Variants in SEMA3C observed in about 807,000 individuals in gnomAD.
SEMA3C encodes the protein semaphorin-3C.
SEMA3C carries 47 observed loss-of-function variants against 89.4 expected under a neutral mutation model. The ratio of observed to expected loss-of-function variants is 0.53; its 90% CI spans 0.42 to 0.67. The LOEUF is 0.67. Ranked by LOEUF, SEMA3C falls within the 30% of genes least tolerant of loss-of-function variation. SEMA3C has a pLI of 0.00. For missense variants in SEMA3C, 839 were observed against 929.1 expected (o/e 0.90, Z 1.26); for synonymous variants, 310 against 320.2 (o/e 0.97, Z 0.34).
intron 2 of SEMA3C, among the ~76,000 whole-genome samples, chr7:80,882,794 C>A (rs989060630): frequency 6.6e-6 from 1 of 151,770 alleles, no homozygotes. Context: ...TCAAATAGAA[C>A]CCTTTTAGAG....
chr7:80,849,879 A>T (rs1430590181), intron 2 of SEMA3C, among the ~76,000 whole-genome samples: 1 of 152,136 alleles, frequency 6.6e-6, no homozygotes, highest in Admixed American at 6.5e-5. Context: ...ATAATGAGAA[A>T]AGATTTCTAA....
intron 2 of SEMA3C, among the ~76,000 whole-genome samples, chr7:80,867,190 T>C (rs1319441680): frequency 6.6e-6 from 1 of 152,210 alleles, no homozygotes; most frequent in Non-Finnish European, 1.5e-5. Context: ...AATCAAAACA[T>C]ACCTTTTTAA....
chr7:80,751,306 T>G lies in SEMA3C; in HGVS notation c.1674A>C (p.Gly558=), dbSNP rs1308341753. ...ATCCTCTGCATTGAGTCAGTGGGTT[T>G]CCATGTCTCACATCTTGTCTTCGGC... ...RRSRRQDVRH[G]NPLTQCRGFN... The change falls in exon 16 of 18, where the codon GGA becomes GGC. Residue 558 remains glycine, a synonymous_variant. Transcript: ENST00000265361. The G allele has an allele frequency of 6.2e-7, 1 of 1,614,030 alleles. No homozygotes were observed. Among genetic ancestry groups the G allele is most frequent in the Middle Eastern group, 1.6e-4 (1 of 6,062 alleles).
chr7:80,896,700 T>G (rs908106686), intron 2 of SEMA3C, among the ~76,000 whole-genome samples: 7 of 152,214 alleles, frequency 4.6e-5, no homozygotes, highest in Admixed American at 1.3e-4. Context: ...CACAACTTGC[T>G]GTCTCAGAAT....
At chr7:80,771,621 C>T (rs564260821) in intron 12 of SEMA3C, among the ~76,000 whole-genome samples, 12 of 152,232 alleles carry the variant, frequency 7.9e-5, no homozygotes, top group African/African-American at 1.4e-4. Flanking sequence ...AAACACAGCT[C>T]ACTACTAAGC....
At chr7:80,859,155 GTGTA>G (rs966736908) in intron 2 of SEMA3C, among the ~76,000 whole-genome samples, 74 of 152,136 alleles carry the variant, frequency 4.9e-4, no homozygotes, top group African/African-American at 1.6e-3. Flanking sequence ...CGGTGTGTGT[GTGTA>G]TGTGTGTTTG....
intron 2 of SEMA3C, among the ~76,000 whole-genome samples, chr7:80,908,124 C>T (rs1792057667): frequency 6.6e-6 from 1 of 152,212 alleles, no homozygotes. Context: ...TTGGAATTGT[C>T]TTTTCACATG....
chr7:80,751,351 A>G lies in SEMA3C; in HGVS notation c.1644-15T>C. 1 of 1,611,960 alleles carries G rather than the reference A, an allele frequency of 6.2e-7. No homozygotes were observed. The highest frequency in any genetic ancestry group is 1.1e-5 in the South Asian group (1 of 91,046). On this transcript the variant is annotated splice_polypyrimidine_tract_variant and intron_variant, in intron 15 of 17. Coordinates refer to ENST00000265361, the MANE Select transcript of SEMA3C (RefSeq NM_006379.5). Reference sequence around the variant, plus strand: ...TTCGGCTCCTCCTGCAAGTGCAGAAATACATAAAAGTGACTGAGAATTATC... The same window carrying G: ...TTCGGCTCCTCCTGCAAGTGCAGAAGTACATAAAAGTGACTGAGAATTATC...
intron 2 of SEMA3C, among the ~76,000 whole-genome samples, chr7:80,832,554 C>T (rs1021319000): frequency 6.6e-6 from 1 of 152,116 alleles, no homozygotes; most frequent in African/African-American, 2.4e-5. Flanking sequence ...CCAGTGAACT[C>T]TGGAGGGAGG....
intron 2 of SEMA3C, among the ~76,000 whole-genome samples, chr7:80,829,341 T>C (rs187882473): frequency 6.6e-6 from 1 of 152,230 alleles, no homozygotes; most frequent in Admixed American, 6.5e-5. Flanking sequence ...CAAAACAAGT[T>C]AAAATAAATA....
At position 80,802,286 on chromosome 7, in the gene SEMA3C, T is replaced by C. The variant is rs527560747; in HGVS notation, c.916+379A>G. Among the ~76,000 whole-genome samples, 3 of 152,188 alleles carry C rather than the reference T, an allele frequency of 2.0e-5. No individual in the cohort carries two copies. In the South Asian group the frequency reaches 6.2e-4, roughly 32 times the overall value. On this transcript the variant is annotated intron_variant, in intron 9 of 17. Transcript: ENST00000265361. ...CTATCCTGTCCATTAGCTACAATAG[T>C]AAAAATATATAGCTGTATTTTCACA...
chr7:80,906,249 T>C (rs182727001), intron 2 of SEMA3C, among the ~76,000 whole-genome samples: 23 of 152,332 alleles, frequency 1.5e-4, no homozygotes, highest in Non-Finnish European at 2.4e-4. Context: ...AAAAATCTAA[T>C]ATTCTTTTTA....
intron 12 of SEMA3C, among the ~76,000 whole-genome samples, chr7:80,788,195 T>C (rs1788848972): frequency 6.6e-6 from 1 of 152,228 alleles, no homozygotes; most frequent in African/African-American, 2.4e-5. Flanking sequence ...CCATATTTTA[T>C]AATGACTTTT....
chr7:80,915,320 G>A (rs991205846), intron 2 of SEMA3C, among the ~76,000 whole-genome samples: 22 of 152,148 alleles, frequency 1.4e-4, no homozygotes, highest in African/African-American at 5.3e-4. Flanking sequence ...GCCTTGCATG[G>A]AGGCTAAGGA....
At chr7:80,905,863 C>G in intron 2 of SEMA3C, 1 of 1,289,676 alleles carries the variant, frequency 7.8e-7, no homozygotes, top group Non-Finnish European at 1.0e-6. Context: ...AAATTCACGC[C>G]ACACTTCTTT....
chr7:80,911,129 T>C (rs1792137545), intron 2 of SEMA3C, among the ~76,000 whole-genome samples: 1 of 152,200 alleles, frequency 6.6e-6, no homozygotes, highest in Non-Finnish European at 1.5e-5. Context: ...TTTTATTTCA[T>C]TTTCAGGCAG....
intron 2 of SEMA3C, among the ~76,000 whole-genome samples, chr7:80,878,512 G>A (rs558035625): frequency 6.6e-6 from 1 of 152,308 alleles, no homozygotes; most frequent in South Asian, 2.1e-4. Context: ...TATGGGGGTG[G>A]TGAGAGAGGA....
chr7:80,891,299 A>G (rs765074931), intron 2 of SEMA3C, among the ~76,000 whole-genome samples: 9 of 152,120 alleles, frequency 5.9e-5, no homozygotes, highest in Non-Finnish European at 8.8e-5. Flanking sequence ...CTCCTGACAT[A>G]GGTCCATCCT....
chr7:80,752,614 CAAAAA>C (rs10660428), intron 15 of SEMA3C, among the ~76,000 whole-genome samples: 2 of 111,336 alleles, frequency 1.8e-5, no homozygotes, highest in African/African-American at 3.6e-5. Context: ...GACTCCATCT[CAAAAA>C]AAAAAAAAAA....
Sources: allele counts gnomAD v4.1 joint callset (sites outside exome capture counted in the v4.1 genomes callset), GRCh38; gene constraint gnomAD v4.1.1; transcripts MANE v1.5; gene names NCBI Gene and HGNC (gene_info 2026-07-23, HGNC 2026-07-21).